TLK1: variants seen among roughly 807,000 people sequenced by gnomAD.
TLK1 encodes tousled like kinase 1, also known as serine/threonine-protein kinase tousled-like 1.
Under a neutral mutation model 105.3 loss-of-function variants are expected in TLK1, and 24 were observed. The observed-to-expected ratio is 0.23, with a 90% confidence interval of 0.17 to 0.32. The LOEUF is 0.32. Among genes scored for constraint, TLK1 ranks in the 10% least tolerant of loss-of-function variants. The pLI is 1.00. For synonymous variants in TLK1, 321 were observed against 310.4 expected, an observed-to-expected ratio of 1.03 and a Z score of -0.36; for missense variants, 558 against 910.5, an observed-to-expected ratio of 0.61 and a Z score of 4.98.
intron 1 of TLK1, among the ~76,000 whole-genome samples, chr2:171,154,201 T>TA (rs980664426): frequency 6.6e-5 from 10 of 152,050 alleles, no homozygotes; most frequent in African/African-American, 1.2e-4. Flanking sequence ...GATATTCTCT[T>TA]AAAAAAACAA....
chr2:171,031,653 TA>T (rs1447022324), intron 11 of TLK1, among the ~76,000 whole-genome samples: 1 of 152,180 alleles, frequency 6.6e-6, no homozygotes, highest in Non-Finnish European at 1.5e-5. Flanking sequence ...TTTTAAACGT[TA>T]ACAAATTTAA....
At chr2:171,126,991 C>G (rs1199100837) in intron 1 of TLK1, among the ~76,000 whole-genome samples, 1 of 151,778 alleles carries the variant, frequency 6.6e-6, no homozygotes, top group East Asian at 1.9e-4. Flanking sequence ...ATTCAAAAGT[C>G]TGGGCTGGGC....
chr2:171,193,274 G>A (rs186039850), intron 1 of TLK1, among the ~76,000 whole-genome samples: 11 of 152,254 alleles, frequency 7.2e-5, no homozygotes, highest in Admixed American at 7.2e-4. Flanking sequence ...TCTAGGAGGA[G>A]TGAAAATCAC....
intron 2 of TLK1, among the ~76,000 whole-genome samples, chr2:171,116,232 T>C (rs537474274): frequency 6.6e-6 from 1 of 152,070 alleles, no homozygotes; most frequent in Non-Finnish European, 1.5e-5. Context: ...AAGAGACATA[T>C]GACAAAGTGG....
chr2:171,122,220 T>C (rs1339991694), intron 1 of TLK1, among the ~76,000 whole-genome samples: 1 of 152,136 alleles, frequency 6.6e-6, no homozygotes, highest in African/African-American at 2.4e-5. Flanking sequence ...CACCTCAGCC[T>C]CCCAAAGTGC....
chr2:171,095,451 A>G (rs1689414061), intron 2 of TLK1, among the ~76,000 whole-genome samples: 1 of 152,212 alleles, frequency 6.6e-6, no homozygotes. Context: ...ACTGACTTAC[A>G]GAACTAAGAA....
At chr2:171,218,265 A>AAAC (rs534220880) in intron 1 of TLK1, among the ~76,000 whole-genome samples, 28 of 152,092 alleles carry the variant, frequency 1.8e-4, no homozygotes, top group African/African-American at 3.1e-4. Context: ...ACAAACAAAC[A>AAAC]AACAACAACA....
intron 11 of TLK1, chr2:171,045,837 T>C (rs1686937047): frequency 5.0e-6 from 1 of 198,194 alleles, no homozygotes; most frequent in Admixed American, 5.9e-5. Flanking sequence ...CATTACTTCA[T>C]TCTCTCAGAC....
intron 3 of TLK1, among the ~76,000 whole-genome samples, chr2:171,078,795 T>C (rs1304188229): frequency 5.3e-5 from 8 of 152,230 alleles, no homozygotes; most frequent in Admixed American, 1.3e-4. Flanking sequence ...TTGAAGGTTA[T>C]AGAGTTTTAT....
intron 1 of TLK1, among the ~76,000 whole-genome samples, chr2:171,201,074 G>C (rs1693389835): frequency 6.6e-6 from 1 of 151,754 alleles, no homozygotes; most frequent in African/African-American, 2.4e-5. Context: ...AGTAGAGAGG[G>C]GGTTTTACCA....
intron 18 of TLK1, among the ~76,000 whole-genome samples, chr2:170,998,025 A>G (rs1684146236): frequency 6.6e-6 from 1 of 152,094 alleles, no homozygotes; most frequent in South Asian, 2.1e-4. Flanking sequence ...ACATTGTGAT[A>G]AAGTTCATCT....
At chr2:171,135,210 A>C (rs1691257449) in intron 1 of TLK1, among the ~76,000 whole-genome samples, 1 of 152,070 alleles carries the variant, frequency 6.6e-6, no homozygotes, top group African/African-American at 2.4e-5. Context: ...AAATAGCTAA[A>C]AGAATAAATT....
intron 1 of TLK1, among the ~76,000 whole-genome samples, chr2:171,123,261 A>G (rs567525911): frequency 1.3e-5 from 2 of 152,250 alleles, no homozygotes; most frequent in South Asian, 2.1e-4. Flanking sequence ...CAGTGGCACA[A>G]TCTCGGCTCA....
chr2:171,054,439 C>T (rs1687398778), intron 7 of TLK1: 1 of 152,358 alleles, frequency 6.6e-6, no homozygotes, highest in Admixed American at 6.5e-5. Context: ...ATGATCTACT[C>T]AGTGGCTGAA....
At chr2:171,005,284 G>A (rs1482519796) in intron 18 of TLK1, among the ~76,000 whole-genome samples, 2 of 152,166 alleles carry the variant, frequency 1.3e-5, no homozygotes, top group Non-Finnish European at 1.5e-5. Flanking sequence ...TGAACACGTA[G>A]GTATACTGAG....
chr2:171,063,706 G>A (rs1687860263), intron 3 of TLK1, among the ~76,000 whole-genome samples: 1 of 152,178 alleles, frequency 6.6e-6, no homozygotes, highest in African/African-American at 2.4e-5. Context: ...GTGTTCAATG[G>A]TAGGTTGAGA....
intron 12 of TLK1, among the ~76,000 whole-genome samples, chr2:171,026,686 G>A (rs189955603): frequency 2.0e-5 from 3 of 152,124 alleles, no homozygotes; most frequent in East Asian, 1.9e-4. Context: ...CTTTATATGA[G>A]ACATAAAGCA....
chr2:171,030,008 A>G (rs1324107646), intron 11 of TLK1, among the ~76,000 whole-genome samples: 1 of 152,226 alleles, frequency 6.6e-6, no homozygotes, highest in Non-Finnish European at 1.5e-5. Context: ...AGCCTCCCAA[A>G]GTGCTGGGAT....
At chr2:171,114,829 T>C (rs1690338703) in intron 2 of TLK1, among the ~76,000 whole-genome samples, 1 of 151,572 alleles carries the variant, frequency 6.6e-6, no homozygotes, top group Admixed American at 6.6e-5. Flanking sequence ...AGTGAGATCC[T>C]GTCTCAGAGG....
Sources: gnomAD v4.1 joint callset for allele counts (sites outside exome capture counted in the v4.1 genomes callset) on GRCh38, gnomAD v4.1.1 for gene constraint, MANE v1.5 for transcripts, NCBI Gene and HGNC (gene_info 2026-07-23, HGNC 2026-07-21) for gene names.